Variants in FAM13A observed in about 807,000 individuals in gnomAD.
The protein encoded by FAM13A is protein FAM13A.
Under a neutral mutation model 129.6 loss-of-function variants are expected in FAM13A, and 76 were observed. The ratio of observed to expected loss-of-function variants is 0.59; its 90% CI spans 0.49 to 0.71. The LOEUF is 0.71. Ranked by LOEUF, FAM13A falls within the 30% of genes least tolerant of loss-of-function variation. FAM13A has a pLI of 0.00. For synonymous variants in FAM13A, 443 were observed against 449.9 expected, an observed-to-expected ratio of 0.98 and a Z score of 0.20; for missense variants, 1,108 against 1,249.3, an observed-to-expected ratio of 0.89 and a Z score of 1.70.
At chr4:88,986,001 A>G (rs1427364500) in intron 4 of FAM13A, among the ~76,000 whole-genome samples, 4 of 152,354 alleles carry the variant, frequency 2.6e-5, no homozygotes, top group South Asian at 4.1e-4. Context: ...TATTTTTACC[A>G]AAAGAAACAT....
chr4:88,726,223 A>AAAC lies in FAM13A; in HGVS notation c.*2307_*2309dup. 1 of 152,272 alleles carries AAAC rather than the reference A, an allele frequency of 6.6e-6. No individual in the cohort carries two copies. The highest frequency in any genetic ancestry group is 2.1e-4 in the South Asian group (1 of 4,824). The allele number at this position is 152,272 out of a possible 1,614,324, so 9.4% of individuals were successfully genotyped here. A position where few individuals can be genotyped will look rare whatever the true frequency, so the allele number is the denominator to read the frequency against. On this transcript the variant is annotated 3_prime_UTR_variant, in exon 24 of 24. Transcript: ENST00000264344. ...AGAAACCACTGACTGACTGACTAAC[A>AAAC]AACATTTCTTCAAATAAGATCTAGT... is the stretch of plus-strand genomic sequence containing the variant.
chr4:88,858,738 A>G (rs1578990071), intron 6 of FAM13A, among the ~76,000 whole-genome samples: 1 of 152,194 alleles, frequency 6.6e-6, no homozygotes, highest in African/African-American at 2.4e-5. Context: ...GGGATGGAGG[A>G]GGGGAAGTAA....
chr4:89,025,245 G>GTTGTTTTTTTT (rs1767781429), intron 2 of FAM13A, among the ~76,000 whole-genome samples: 3 of 61,362 alleles, frequency 4.9e-5, no homozygotes, highest in African/African-American at 1.6e-4. Context: ...TGGAATCATT[G>GTTGTTTTTTTT]TTTTTTTTTT....
intron 5 of FAM13A, 79 bp from the exon 6 acceptor site, chr4:88,906,541 A>G: frequency 1.1e-6 from 1 of 904,450 alleles, no homozygotes; most frequent in Non-Finnish European, 1.7e-6. Flanking sequence ...AGTGAAAAAC[A>G]GTTTTGAAGA....
intron 4 of FAM13A, among the ~76,000 whole-genome samples, chr4:88,967,295 A>G (rs1289568513): frequency 6.6e-6 from 1 of 152,220 alleles, no homozygotes; most frequent in Non-Finnish European, 1.5e-5. Flanking sequence ...TTTGGTGCAC[A>G]GTATGGTGAG....
Position 88,750,407 on chromosome 4 carries a change from AAC to A in FAM13A, c.1940+15_1940+16del, listed in dbSNP as rs752112168. The A allele has an allele frequency of 1.0e-5, 16 of 1,593,964 alleles. No individual in the cohort carries two copies. Among genetic ancestry groups the A allele is most frequent in the Non-Finnish European group, 1.3e-5 (15 of 1,161,546 alleles). On this transcript the variant is annotated intron_variant, in intron 15 of 23. Transcript: ENST00000264344. Reference sequence around the variant, plus strand: ...GGGGATGATGCATTTGTCTATCAGCAACACAGAGAAACATACCTCATGAAAGA... The same window carrying A: ...GGGGATGATGCATTTGTCTATCAGCAACAGAGAAACATACCTCATGAAAGA...
At chr4:89,048,342 AAAT>A (rs1771126046) in intron 1 of FAM13A, among the ~76,000 whole-genome samples, 1 of 152,192 alleles carries the variant, frequency 6.6e-6, no homozygotes, top group Admixed American at 6.5e-5. Flanking sequence ...TGAACCTCAA[AAAT>A]ATTATGCTAA....
At chr4:89,022,765 CCTCT>C (rs906886567) in intron 2 of FAM13A, among the ~76,000 whole-genome samples, 6 of 152,126 alleles carry the variant, frequency 3.9e-5, no homozygotes, top group African/African-American at 1.4e-4. Flanking sequence ...TCTCTCTCCC[CCTCT>C]CTCTGTCTGT....
intron 5 of FAM13A, among the ~76,000 whole-genome samples, chr4:88,918,044 G>GT (rs1309654085): frequency 1.3e-5 from 2 of 152,176 alleles, no homozygotes; most frequent in Non-Finnish European, 2.9e-5. Flanking sequence ...AGCTGTCTTG[G>GT]TAAGTGTCCT....
rs1578591651 is a variant in FAM13A at position 88,774,380 on chromosome 4, C to T, written c.1459-6321G>A. Among the ~76,000 whole-genome samples, 5 of 152,082 alleles carry T rather than the reference C, an allele frequency of 3.3e-5. No homozygotes were observed. In the East Asian group the frequency reaches 9.6e-4, roughly 29 times the overall value. On this transcript the variant is annotated intron_variant, in intron 11 of 23. Transcript: ENST00000264344. ...GTGTCTGTTTTGATCACATTGTGTC[C>T]TTAGTGTTGAAAATAGTGCTTGTCA...
At chr4:88,800,370 G>T (rs1335307326) in intron 8 of FAM13A, among the ~76,000 whole-genome samples, 2 of 152,034 alleles carry the variant, frequency 1.3e-5, no homozygotes, top group Non-Finnish European at 2.9e-5. Context: ...CAGGCAGGGG[G>T]GATGTGCCCC....
At chr4:88,820,170 T>C (rs1731612248) in intron 7 of FAM13A, among the ~76,000 whole-genome samples, 1 of 152,224 alleles carries the variant, frequency 6.6e-6, no homozygotes. Flanking sequence ...GAGGCATTTA[T>C]GAAAACTGTA....
chr4:88,779,522 G>C (rs1012591406), intron 11 of FAM13A, among the ~76,000 whole-genome samples: 4 of 152,110 alleles, frequency 2.6e-5, no homozygotes, highest in African/African-American at 9.7e-5. Context: ...TACAGATGAG[G>C]AAGTTTTTCT....
At chr4:89,055,300 C>T (rs1418396522) in intron 1 of FAM13A, among the ~76,000 whole-genome samples, 2 of 151,976 alleles carry the variant, frequency 1.3e-5, no homozygotes, top group Non-Finnish European at 2.9e-5. Context: ...AATGTATTTC[C>T]TCCTACAGTA....
chr4:88,982,568 A>C (rs1461769620), intron 4 of FAM13A, among the ~76,000 whole-genome samples: 1 of 152,232 alleles, frequency 6.6e-6, no homozygotes, highest in Non-Finnish European at 1.5e-5. Context: ...ACTAATGGGC[A>C]GAATAAGAAC....
At chr4:88,899,254 C>G (rs1012575202) in intron 6 of FAM13A, among the ~76,000 whole-genome samples, 1 of 151,946 alleles carries the variant, frequency 6.6e-6, no homozygotes, top group Non-Finnish European at 1.5e-5. Flanking sequence ...AATGGAAAAC[C>G]AAACATTATT....
chr4:88,920,738 T>A (rs186803323), intron 5 of FAM13A, among the ~76,000 whole-genome samples: 2 of 152,068 alleles, frequency 1.3e-5, no homozygotes, highest in South Asian at 2.1e-4. Context: ...AGGCTTCAGA[T>A]GATCAAACTA....
At chr4:88,759,137 T>G in intron 13 of FAM13A, 1 of 441,740 alleles carries the variant, frequency 2.3e-6, no homozygotes, top group Non-Finnish European at 4.1e-6. Flanking sequence ...TCCCGATAAC[T>G]GCAGGCAGCT....
At chr4:88,872,697 T>A (rs1215861317) in intron 6 of FAM13A, among the ~76,000 whole-genome samples, 1 of 152,146 alleles carries the variant, frequency 6.6e-6, no homozygotes, top group Non-Finnish European at 1.5e-5. Context: ...GGGAGAGTTT[T>A]AACAACCCAC....
Sources: gnomAD v4.1 joint callset for allele counts (sites outside exome capture counted in the v4.1 genomes callset) on GRCh38, gnomAD v4.1.1 for gene constraint, MANE v1.5 for transcripts, NCBI Gene and HGNC (gene_info 2026-07-23, HGNC 2026-07-21) for gene names.